The following ANKRD40 variants were observed in gnomAD, a reference collection of about 807,000 sequenced individuals.
ANKRD40 encodes ankyrin repeat domain-containing protein 40.
A neutral mutation model predicts 35.5 loss-of-function variants in ANKRD40; 24 were observed. The observed-to-expected ratio is 0.68, with a 90% confidence interval of 0.49 to 0.95. The LOEUF (loss-of-function observed/expected upper bound fraction) is 0.95. ANKRD40 is among the 40% of genes least tolerant of loss of function. The pLI is 0.00. For missense variants in ANKRD40, 361 were observed against 436.0 expected (o/e 0.83, Z 1.53); for synonymous variants, 147 against 173.5 (o/e 0.85, Z 1.20).
intron 3 of ANKRD40, among the ~76,000 whole-genome samples, chr17:50,698,534 AG>A (rs1325926982): frequency 6.6e-6 from 1 of 152,230 alleles, no homozygotes; most frequent in Non-Finnish European, 1.5e-5. Context: ...CTCTTCAAAA[AG>A]ATCAAGATCA....
intron 1 of ANKRD40, among the ~76,000 whole-genome samples, chr17:50,706,903 C>CAAAAAAAAAAAAAAAAAAA (rs35024672): frequency 3.2e-4 from 12 of 37,984 alleles, no homozygotes; most frequent in African/African-American, 4.5e-4. Flanking sequence ...GACCCTGTCT[C>CAAAAAAAAAAAAAAAAAAA]AAAAAAAAAA....
At chr17:50,704,473 G>A (rs981674841) in intron 1 of ANKRD40, among the ~76,000 whole-genome samples, 2 of 137,282 alleles carry the variant, frequency 1.5e-5, no homozygotes, top group African/African-American at 2.8e-5. Context: ...CTGAGATCAC[G>A]CATTGCACTC....
At chr17:50,699,153 C>T (rs529181682) in intron 3 of ANKRD40, among the ~76,000 whole-genome samples, 18 of 151,790 alleles carry the variant, frequency 1.2e-4, no homozygotes, top group South Asian at 4.2e-4. Flanking sequence ...GGCGAAGCTA[C>T]GTCTCAATAA....
At chr17:50,698,364 A>G (rs1227018267) in intron 3 of ANKRD40, among the ~76,000 whole-genome samples, 1 of 152,198 alleles carries the variant, frequency 6.6e-6, no homozygotes, top group Non-Finnish European at 1.5e-5. Flanking sequence ...TTAAAAAATG[A>G]TAGTAACAGA....
chr17:50,707,490 T>C lies in ANKRD40; in HGVS notation c.134+31A>G. ...CCCCACGCCTTCCGACCGGCTGCCC[T>C]GACCCTAGGCCTCCCCCGCTCCCCA... On this transcript the variant is annotated intron_variant, in intron 1 of 4. Transcript: ENST00000285243. This position sits in a 1 kb window ranked among gnomAD's most constrained non-coding sequence, Gnocchi z 4.8. 6.3e-7 allele frequency: 1 copy of C among 1,594,106 alleles called. No individual in the cohort carries two copies. The highest frequency in any genetic ancestry group is 8.5e-7 in the Non-Finnish European group (1 of 1,170,364).
chr17:50,694,252 A>ATTT lies in ANKRD40; in HGVS notation c.*1744_*1745insAAA. 6.6e-6 allele frequency: 1 copy of ATTT among 152,200 alleles called. No individual in the cohort carries two copies. The highest frequency in any genetic ancestry group is 1.5e-5 in the Non-Finnish European group (1 of 68,038). The allele number at this position is 152,200 out of a possible 1,614,324, so 9.4% of individuals were successfully genotyped here. A position where few individuals can be genotyped will look rare whatever the true frequency, so the allele number is the denominator to read the frequency against. On this transcript the variant is annotated 3_prime_UTR_variant, in exon 5 of 5. Coordinates refer to ENST00000285243, the MANE Select transcript of ANKRD40 (RefSeq NM_052855.4). Reference sequence around the variant, plus strand: ...GTACAAGGGTGAGTAAGTCACCAGCAGTAATTGGTGGGATACAATTAAGTC... The same window carrying ATTT: ...GTACAAGGGTGAGTAAGTCACCAGCATTTGTAATTGGTGGGATACAATTAAGTC...
chr17:50,707,674 C>G lies in ANKRD40; in HGVS notation c.-20G>C. 1 of 1,449,500 alleles carries G rather than the reference C, an allele frequency of 6.9e-7. No homozygotes were observed. The highest frequency in any genetic ancestry group is 2.3e-5 in the Admixed American group (1 of 43,416). The allele number at this position is 1,449,500 out of a possible 1,614,324, so 89.8% of individuals were successfully genotyped here. ...GTTCATCTTCCCACAGCCCCAGGCC[C>G]CCGCCCAGGCCCGCCTGCCCCGCCC... On this transcript the variant is annotated 5_prime_UTR_variant, in exon 1 of 5. Transcript: ENST00000285243. This position sits in a 1 kb window ranked among gnomAD's most constrained non-coding sequence, Gnocchi z 4.8.
chr17:50,697,674 AGGGGTCTTGGCTTATTAT>A (rs758843318), intron 3 of ANKRD40, among the ~76,000 whole-genome samples: 2 of 152,252 alleles, frequency 1.3e-5, no homozygotes, highest in Non-Finnish European at 2.9e-5. Context: ...TTCATGAGGA[AGGGGTCTTGGCTTATTAT>A]TCATAGGTCT....
chr17:50,707,576 G>T lies in ANKRD40; in HGVS notation c.79C>A (p.Gln27Lys), dbSNP rs1968355757. The T allele has an allele frequency of 6.2e-7, 1 of 1,608,162 alleles. No homozygotes were observed. The highest frequency in any genetic ancestry group is 1.3e-5 in the African/African-American group (1 of 74,284). ...TCCACCCCGCTCTCCACCAGTTTCT[G>T]CACCTCCCGAATGTCCCCTAAGGCC... ...AAALGDIREV[Q>K]KLVESGVDVN... Residue 27 changes from glutamine to lysine, a missense_variant, in exon 1 of 5, where the codon CAG (glutamine) becomes AAG (lysine). Coordinates refer to ENST00000285243, the MANE Select transcript of ANKRD40 (RefSeq NM_052855.4). This position sits in a 1 kb window ranked among gnomAD's most constrained non-coding sequence, Gnocchi z 4.8.
chr17:50,702,810 C>T (rs539430782), intron 1 of ANKRD40, among the ~76,000 whole-genome samples: 18 of 152,272 alleles, frequency 1.2e-4, no homozygotes, highest in African/African-American at 3.6e-4. Flanking sequence ...CATCATTTAC[C>T]GTCCAGAGCT....
At chr17:50,705,634 C>A (rs1485424965) in intron 1 of ANKRD40, among the ~76,000 whole-genome samples, 1 of 151,642 alleles carries the variant, frequency 6.6e-6, no homozygotes, top group Non-Finnish European at 1.5e-5. Flanking sequence ...CAGGCGTGAG[C>A]CACCAGGTCC....
At chr17:50,701,885 T>C (rs190695066) in intron 1 of ANKRD40, among the ~76,000 whole-genome samples, 104 of 152,360 alleles carry the variant, frequency 6.8e-4, no homozygotes, top group Non-Finnish European at 8.7e-4. Flanking sequence ...AAAGTTAGCA[T>C]GTCTGGCTGG....
At chr17:50,697,696 T>G (rs1347351796) in intron 3 of ANKRD40, among the ~76,000 whole-genome samples, 1 of 152,236 alleles carries the variant, frequency 6.6e-6, no homozygotes, top group Non-Finnish European at 1.5e-5. Flanking sequence ...TTATTATTCA[T>G]AGGTCTGGGA....
At chr17:50,697,234 G>C in intron 3 of ANKRD40, 113 bp from the exon 4 acceptor site, 3 of 1,028,448 alleles carry the variant, frequency 2.9e-6, no homozygotes, top group Non-Finnish European at 4.1e-6. Flanking sequence ...GTCTGTGCAT[G>C]ATTAACAGAC....
chr17:50,707,373 C>T lies in ANKRD40; in HGVS notation c.134+148G>A. The T allele has an allele frequency of 8.2e-7, 1 of 1,226,314 alleles. No homozygotes were observed. Among genetic ancestry groups the T allele is most frequent in the Non-Finnish European group, 1.1e-6 (1 of 905,336 alleles). 76.0% of individuals were successfully genotyped at this position (1,226,314 alleles called of 1,614,324 possible). A position where few individuals can be genotyped will look rare whatever the true frequency, so the allele number is the denominator to read the frequency against. ...ACCGCACGAGGCATGGGGGCCAGGG[C>T]TGGCCTCAAGAGAGCACAATCTCGG... On this transcript the variant is annotated intron_variant, in intron 1 of 4. Transcript: ENST00000285243. This position sits in a 1 kb window ranked among gnomAD's most constrained non-coding sequence, Gnocchi z 4.8.
Position 50,697,244 on chromosome 17 carries a change from C to A in ANKRD40, c.779-123G>T, listed in dbSNP as rs567834035. On this transcript the variant is annotated intron_variant, in intron 3 of 4. Coordinates refer to ENST00000285243, the MANE Select transcript of ANKRD40 (RefSeq NM_052855.4). ...CAAAGGTCTGTGCATGATTAACAGA[C>A]CTGTTTGGTGGGAAAACCAAGTGCA... 1.4e-5 allele frequency: 14 copies of A among 975,126 alleles called. No homozygotes were observed. The East Asian group carries it at 2.6e-4, about 18-fold the overall frequency. The allele number at this position is 975,126 out of a possible 1,614,324, so 60.4% of individuals were successfully genotyped here.
chr17:50,705,497 C>G (rs890952654), intron 1 of ANKRD40, among the ~76,000 whole-genome samples: 3 of 150,298 alleles, frequency 2.0e-5, no homozygotes, highest in Non-Finnish European at 4.4e-5. Context: ...AGGCTGTTTT[C>G]TTTAGGGAAA....
chr17:50,700,995 T>C (rs945197038), intron 1 of ANKRD40: 2 of 306,582 alleles, frequency 6.5e-6, no homozygotes, highest in African/African-American at 4.3e-5. Context: ...GCTGGCTAAC[T>C]CCAATGATAC....
rs1480813665 is a variant in ANKRD40, at chr17:50,694,155, G to A, written c.*1842C>T. 1.1e-5 allele frequency: 1 copy of A among 89,624 alleles called. No individual in the cohort carries two copies. The highest frequency in any genetic ancestry group is 2.4e-5 in the Non-Finnish European group (1 of 41,824). The allele number at this position is 89,624 out of a possible 1,614,324, so 5.6% of individuals were successfully genotyped here. On this transcript the variant is annotated 3_prime_UTR_variant, in exon 5 of 5. Transcript: ENST00000285243. Reference sequence around the variant, plus strand: ...AAAAAAAAAAAGAAAAGAAACACCAGGGAGGTTTCTTCTTTAAAGCACTTG... The same window carrying A: ...AAAAAAAAAAAGAAAAGAAACACCAAGGAGGTTTCTTCTTTAAAGCACTTG...
Sources: gnomAD v4.1 joint callset for allele counts (sites outside exome capture counted in the v4.1 genomes callset) on GRCh38, gnomAD v4.1.1 for gene constraint, Gnocchi (gnomAD v3.1) non-coding constraint, MANE v1.5 for transcripts, NCBI Gene and HGNC (gene_info 2026-07-23, HGNC 2026-07-21) for gene names.